The following ZBTB40 variants were observed in gnomAD, a reference collection of about 807,000 sequenced individuals.
ZBTB40 encodes zinc finger and BTB domain containing 40.
ZBTB40 carries 60 observed loss-of-function variants against 117.5 expected under a neutral mutation model. The ratio of observed to expected loss-of-function variants is 0.51; its 90% CI spans 0.41 to 0.63. ZBTB40 has a LOEUF of 0.63. Ranked by LOEUF, ZBTB40 falls within the 30% of genes least tolerant of loss-of-function variation. The pLI, the probability that ZBTB40 is intolerant of heterozygous loss-of-function variation, is 0.00. For synonymous variants in ZBTB40, 525 were observed against 577.1 expected, an observed-to-expected ratio of 0.91 and a Z score of 1.29; for missense variants, 1,287 against 1,498.5, an observed-to-expected ratio of 0.86 and a Z score of 2.33.
At chr1:22,447,621 C>T (rs1325796416), upstream of ZBTB40, among the ~76,000 whole-genome samples, 1 of 152,206 alleles carries the variant, frequency 6.6e-6, no homozygotes, top group East Asian at 1.9e-4. Context: ...AATGTGAGTG[C>T]CTTTTGCCTT....
rs1222561805 is a variant in ZBTB40, at chr1:22,508,558, C to G, written c.1526C>G (p.Ser509Cys). 2 of 1,614,174 alleles carry G rather than the reference C, an allele frequency of 1.2e-6. No individual in the cohort carries two copies. Among genetic ancestry groups the G allele is most frequent in the Admixed American group, 1.7e-5 (1 of 60,020 alleles). The change falls in exon 8 of 18, where the codon TCT becomes TGT. Residue 509 changes from serine to cysteine, a missense_variant. Ser to Cys is a moderately radical substitution (Grantham distance 112, BLOSUM62 -1). Around this residue, in one of 2 missense-constraint regions of ZBTB40, gnomAD observed 870 missense variants for 934.4 expected, o/e 0.93. Coordinates refer to ENST00000375647, the MANE Select transcript of ZBTB40 (RefSeq NM_014870.4). ...EVMEKLVKRD[S>C]GSGGFNSLIS... is the part of the protein sequence containing the mutation. The stretch of plus-strand genomic sequence containing the variant: ...ATGGAGAAGCTTGTGAAACGTGACT[C>G]TGGTTCAGGTGGTTTCAATTCTCTG...
At chr1:22,516,111 G>C (rs937996244) in intron 12 of ZBTB40, among the ~76,000 whole-genome samples, 27 of 152,166 alleles carry the variant, frequency 1.8e-4, no homozygotes, top group African/African-American at 6.5e-4. Flanking sequence ...TGAAGGCTTT[G>C]GGGCTTTGCC....
intron 1 of ZBTB40, among the ~76,000 whole-genome samples, chr1:22,431,398 ATATATATATATG>A (rs1001003255): frequency 6.6e-5 from 9 of 136,620 alleles, no homozygotes; most frequent in African/African-American, 2.7e-4. Context: ...ATATATATAT[ATATATATATATG>A]TATATATAGT....
At chr1:22,496,688 G>A (rs1241938208) in intron 3 of ZBTB40, among the ~76,000 whole-genome samples, 2 of 152,144 alleles carry the variant, frequency 1.3e-5, no homozygotes, top group African/African-American at 4.8e-5. Context: ...CCATCATCAG[G>A]ACCTGGGTTC....
chr1:22,526,247 A>G lies in ZBTB40; in HGVS notation c.3571A>G (p.Thr1191Ala), dbSNP rs763462877. The change falls in exon 18 of 18, where the codon ACT becomes GCT. Residue 1191 changes from threonine to alanine, a missense_variant. Physicochemically the swap from Thr to Ala is moderately conservative, Grantham distance 58 (BLOSUM62 0). This residue lies in a region of ZBTB40 where 417 missense variants were observed against 564.1 expected (regional missense o/e 0.74). Transcript: ENST00000375647. ...GGTGGCCCCGACAGAGCAGGTGATC[A>G]CTTTGGAGGAGACCCAGCTTGCCGG... is the stretch of plus-strand genomic sequence containing the variant. Reference protein sequence around the residue: ...EPVAPTEQVITLEETQLAGSQ... With the variant: ...EPVAPTEQVIALEETQLAGSQ... 39 of 1,614,184 alleles carry G rather than the reference A, an allele frequency of 2.4e-5. No individual in the cohort carries two copies. In the East Asian group the frequency reaches 8.2e-4, roughly 34 times the overall value.
chr1:22,454,862 C>G (rs1328467882), intron 1 of ZBTB40, among the ~76,000 whole-genome samples: 1 of 152,206 alleles, frequency 6.6e-6, no homozygotes, highest in Non-Finnish European at 1.5e-5. Context: ...ACACATATTG[C>G]TGAATAACCA....
At chr1:22,432,333 T>A (rs940717472) in intron 1 of ZBTB40, among the ~76,000 whole-genome samples, 11 of 152,158 alleles carry the variant, frequency 7.2e-5, no homozygotes, top group African/African-American at 2.4e-4. Context: ...TTGGGGTGGG[T>A]TGGGGAAAGG....
intron 1 of ZBTB40, among the ~76,000 whole-genome samples, chr1:22,478,155 G>A (rs1046696505): frequency 2.0e-5 from 3 of 152,210 alleles, no homozygotes; most frequent in African/African-American, 4.8e-5. Flanking sequence ...ACAGAACTCC[G>A]TGTCAGACTG....
At chr1:22,526,091 C>T in intron 17 of ZBTB40, 111 bp from the exon 18 acceptor site, 1 of 1,310,646 alleles carries the variant, frequency 7.6e-7, no homozygotes, top group South Asian at 1.2e-5. Flanking sequence ...TAAGTGCTCT[C>T]CTCAGGTGAA....
At chr1:22,429,267 A>G (rs370440165) in intron 1 of ZBTB40, among the ~76,000 whole-genome samples, 9 of 152,192 alleles carry the variant, frequency 5.9e-5, no homozygotes, top group African/African-American at 2.2e-4. Context: ...CTGTAGTCCC[A>G]GCTACTCGGG....
At position 22,508,567 on chromosome 1, in the gene ZBTB40, G is replaced by A. The variant is rs192434323; in HGVS notation, c.1535G>A (p.Gly512Asp). The A allele has an allele frequency of 2.5e-6, 4 of 1,614,214 alleles. No homozygotes were observed. Among genetic ancestry groups the A allele is most frequent in the African/African-American group, 2.7e-5 (2 of 75,046 alleles). ...EKLVKRDSGS[G>D]GFNSLISAVL... ...CTTGTGAAACGTGACTCTGGTTCAG[G>A]TGGTTTCAATTCTCTGATATCAGCA... The change falls in exon 8 of 18, where the codon GGT becomes GAT. Residue 512 changes from glycine to aspartate, a missense_variant. Gly to Asp is a moderately conservative substitution (Grantham distance 94). Transcript: ENST00000375647.
intron 8 of ZBTB40, 40 bp downstream of exon 8, chr1:22,508,771 G>C (rs1329076551): frequency 1.3e-6 from 2 of 1,589,810 alleles, no homozygotes; most frequent in Non-Finnish European, 1.7e-6. Context: ...GCCCCCACTA[G>C]AGATGACTGT....
rs1331258309 is a variant in ZBTB40, at chr1:22,454,232, C to T, written c.-70+2228C>T. 3.3e-5 allele frequency among the ~76,000 whole-genome samples: 5 copies of T among 152,310 alleles called. No individual in the cohort carries two copies. The East Asian group carries it at 5.8e-4, about 18-fold the overall frequency. On this transcript the variant is annotated intron_variant, in intron 1 of 17. Transcript: ENST00000375647. ...CCTCCCAAAGTGCTGGGATTATAGGCGTGAGCCATCGCGCCCGGCCTCGAA... is the reference window on the plus strand; with the variant it reads ...CCTCCCAAAGTGCTGGGATTATAGGTGTGAGCCATCGCGCCCGGCCTCGAA...
Position 22,508,703 on chromosome 1 carries a change from G to C in ZBTB40, c.1671G>C (p.Glu557Asp), listed in dbSNP as rs1295896936. ...LDLLMEEIRR[E>D]PGADAFFRAV... ...TGCTCATGGAGGAAATACGAAGGGAGCCTGGTGCCGATGCTTTCTTCCGGG... is the reference window on the plus strand; with the variant it reads ...TGCTCATGGAGGAAATACGAAGGGACCCTGGTGCCGATGCTTTCTTCCGGG... Residue 557 changes from glutamate to aspartate, a missense_variant, in exon 8 of 18, where the codon GAG (glutamate) becomes GAC (aspartate). Physicochemically the swap from Glu to Asp is conservative, Grantham distance 45 (BLOSUM62 2). Around this residue, in one of 2 missense-constraint regions of ZBTB40, gnomAD observed 870 missense variants for 934.4 expected, o/e 0.93. Transcript: ENST00000375647. 62 of 1,613,930 alleles carry C rather than the reference G, an allele frequency of 3.8e-5. No homozygotes were observed. Among genetic ancestry groups the C allele is most frequent in the Non-Finnish European group, 4.7e-5 (56 of 1,180,044 alleles).
chr1:22,524,973 G>T (rs1352392510), intron 17 of ZBTB40, among the ~76,000 whole-genome samples: 1 of 152,192 alleles, frequency 6.6e-6, no homozygotes, highest in Non-Finnish European at 1.5e-5. Context: ...TCCAGAGAGG[G>T]TGGGCAGAAA....
chr1:22,472,736 A>C (rs1056346814), intron 1 of ZBTB40, among the ~76,000 whole-genome samples: 1 of 152,226 alleles, frequency 6.6e-6, no homozygotes, highest in African/African-American at 2.4e-5. Flanking sequence ...TGGCTGTACC[A>C]TTCTAGGTCC....
Position 22,529,960 on chromosome 1 carries a change from C to T in ZBTB40, c.*3564C>T, listed in dbSNP as rs1639786053. 6.6e-6 allele frequency: 1 copy of T among 151,666 alleles called. No homozygotes were observed. Among genetic ancestry groups the T allele is most frequent in the African/African-American group, 2.4e-5 (1 of 41,248 alleles). 9.4% of individuals were successfully genotyped at this position (151,666 alleles called of 1,614,324 possible). On this transcript the variant is annotated 3_prime_UTR_variant, in exon 18 of 18. Transcript: ENST00000375647. ...AAAGGAAGGAGAATGGTGAGAAGGG[C>T]CCTAAGAGTTCGTCTCTCACCTGGG...
intron 1 of ZBTB40, among the ~76,000 whole-genome samples, chr1:22,461,763 G>A (rs1173385909): frequency 6.6e-6 from 1 of 152,184 alleles, no homozygotes; most frequent in Non-Finnish European, 1.5e-5. Flanking sequence ...TAAGCTGAAA[G>A]TGGTCTCTTC....
At chr1:22,455,722 T>G (rs1431004826) in intron 1 of ZBTB40, among the ~76,000 whole-genome samples, 1 of 152,174 alleles carries the variant, frequency 6.6e-6, no homozygotes, top group African/African-American at 2.4e-5. Context: ...AGTTTGTTTT[T>G]CAGTCTATTT....
Sources: allele counts gnomAD v4.1 joint callset (sites outside exome capture counted in the v4.1 genomes callset), GRCh38; gene constraint gnomAD v4.1.1; regional missense constraint gnomAD v4.1.1; transcripts MANE v1.5; gene names NCBI Gene and HGNC (gene_info 2026-07-23, HGNC 2026-07-21).